GPC5: variants seen among roughly 807,000 people sequenced by gnomAD.
GPC5 encodes the protein glypican-5.
In GPC5, 47 loss-of-function variants were observed where a neutral mutation model predicts 53.9. That is an observed-to-expected ratio of 0.87 (90% confidence interval 0.69 to 1.11). The LOEUF (loss-of-function observed/expected upper bound fraction) is 1.11. Ranked by LOEUF, GPC5 falls within the 50% of genes most tolerant of loss-of-function variation. The pLI is 0.00. For synonymous variants in GPC5, 286 were observed against 263.3 expected (o/e 1.09, Z -0.84); for missense variants, 748 against 713.1 (o/e 1.05, Z -0.56).
chr13:92,216,165 T>C (rs1358162670), intron 7 of GPC5, among the ~76,000 whole-genome samples: 1 of 152,188 alleles, frequency 6.6e-6, no homozygotes, highest in East Asian at 1.9e-4. Flanking sequence ...TATCCTCCAC[T>C]GTCACTGGTG....
At chr13:92,663,848 CACACACACTATA>C (rs1886458903) in intron 7 of GPC5, among the ~76,000 whole-genome samples, 2 of 118,062 alleles carry the variant, frequency 1.7e-5, no homozygotes, top group Non-Finnish European at 3.3e-5. Context: ...TATATATACA[CACACACACTATA>C]TATATATATA....
chr13:92,736,795 T>C lies in GPC5; in HGVS notation c.1562-129487T>C, dbSNP rs186770378. Among the ~76,000 whole-genome samples, 10 of 149,552 alleles carry C rather than the reference T, an allele frequency of 6.7e-5. No individual in the cohort carries two copies. In the East Asian group the frequency reaches 8.2e-4, roughly 12 times the overall value. ...GGTGTTTACTCTATGTTCAGAACTA[T>C]AGCTGTAGCCTATTTTTTTTTTAAA... is the stretch of plus-strand genomic sequence containing the variant. On this transcript the variant is annotated intron_variant, in intron 7 of 7. Transcript: ENST00000377067.
At chr13:92,768,122 C>T (rs1338379391) in intron 7 of GPC5, among the ~76,000 whole-genome samples, 1 of 152,086 alleles carries the variant, frequency 6.6e-6, no homozygotes, top group African/African-American at 2.4e-5. Context: ...TAGTGAAATG[C>T]TACTGTATTT....
chr13:92,588,321 A>G (rs897911893), intron 7 of GPC5, among the ~76,000 whole-genome samples: 9 of 152,180 alleles, frequency 5.9e-5, no homozygotes, highest in Admixed American at 5.2e-4. Flanking sequence ...TATCCAGTCT[A>G]TCATTGATGG....
chr13:92,433,786 G>A lies in GPC5; in HGVS notation c.1561+288797G>A, dbSNP rs1877192409. On this transcript the variant is annotated intron_variant, in intron 7 of 7. Transcript: ENST00000377067. ...TGTGTTGAGAAAGTGGCAGAGTTTG[G>A]AAAAAGTAAGAGAAAGAAATGGTTT... 4.6e-5 allele frequency among the ~76,000 whole-genome samples: 7 copies of A among 152,094 alleles called. No homozygotes were observed. The South Asian group carries it at 1.2e-3, about 27-fold the overall frequency.
At chr13:91,401,958 GC>G (rs59849165) in intron 1 of GPC5, among the ~76,000 whole-genome samples, 79,813 of 151,908 alleles carry the variant, frequency 0.53, 23,259 homozygotes, top group South Asian at 0.66. Flanking sequence ...TAGTCAAGGT[GC>G]CCTTTGCTCT....
intron 2 of GPC5, among the ~76,000 whole-genome samples, chr13:91,609,104 A>G (rs892418349): frequency 3.4e-5 from 5 of 148,878 alleles, no homozygotes; most frequent in African/African-American, 4.9e-5. Flanking sequence ...TCTTTCAGGC[A>G]TATTAAGTGA....
chr13:92,387,093 C>T (rs1874761918), intron 7 of GPC5, among the ~76,000 whole-genome samples: 1 of 152,034 alleles, frequency 6.6e-6, no homozygotes, highest in Non-Finnish European at 1.5e-5. Context: ...TACAGATGGT[C>T]CCCAACTTGA....
intron 2 of GPC5, among the ~76,000 whole-genome samples, chr13:91,593,577 A>G (rs1264229204): frequency 2.0e-5 from 3 of 151,990 alleles, no homozygotes; most frequent in East Asian, 3.9e-4. Flanking sequence ...TGTGTCTTTC[A>G]CCCTCTCTCT....
At chr13:91,470,134 A>G (rs558926207) in intron 2 of GPC5, among the ~76,000 whole-genome samples, 1 of 152,334 alleles carries the variant, frequency 6.6e-6, no homozygotes, top group South Asian at 2.1e-4. Context: ...ATTAAGTTGC[A>G]GCAGCCAGAA....
chr13:91,433,957 G>A (rs1254480416), intron 1 of GPC5, among the ~76,000 whole-genome samples: 10 of 152,170 alleles, frequency 6.6e-5, no homozygotes, highest in Non-Finnish European at 1.5e-4. Context: ...GCCAGTGATG[G>A]TGAGCATTTT....
chr13:91,793,555 C>T (rs1418843855), intron 5 of GPC5, among the ~76,000 whole-genome samples: 1 of 152,140 alleles, frequency 6.6e-6, no homozygotes, highest in African/African-American at 2.4e-5. Context: ...TCTAGAAAAG[C>T]ATAGCACATT....
intron 6 of GPC5, among the ~76,000 whole-genome samples, chr13:92,057,758 TAATAGTACCCTTAC>T (rs2041087859): frequency 6.6e-6 from 1 of 152,210 alleles, no homozygotes; most frequent in South Asian, 2.1e-4. Context: ...ATCTGGAGGC[TAATAGTACCCTTAC>T]AAGATATGAA....
rs144532617 is a variant in GPC5, at chr13:92,624,641, T to C, written c.1562-241641T>C. On this transcript the variant is annotated intron_variant, in intron 7 of 7. Transcript: ENST00000377067. The stretch of plus-strand genomic sequence containing the variant: ...TGCATTGGTTCTCTAAGCCCCACTT[T>C]ACCCAATTCAGTATGAAGATGGTCA... 3.3e-5 allele frequency among the ~76,000 whole-genome samples: 5 copies of C among 152,326 alleles called. No homozygotes were observed. The East Asian group carries it at 9.6e-4, about 29-fold the overall frequency.
chr13:92,410,137 G>A (rs965104578), intron 7 of GPC5, among the ~76,000 whole-genome samples: 7 of 152,026 alleles, frequency 4.6e-5, no homozygotes, highest in Non-Finnish European at 8.8e-5. Flanking sequence ...ATAATGCTCA[G>A]ACGAAAATAA....
chr13:92,758,256 C>A (rs1307302971), intron 7 of GPC5, among the ~76,000 whole-genome samples: 1 of 149,090 alleles, frequency 6.7e-6, no homozygotes, highest in African/African-American at 2.5e-5. Flanking sequence ...ACCACATATT[C>A]TCATTCATAG....
chr13:91,966,879 C>T (rs2040185851), intron 6 of GPC5, among the ~76,000 whole-genome samples: 1 of 152,140 alleles, frequency 6.6e-6, no homozygotes, highest in Admixed American at 6.5e-5. Flanking sequence ...ATATTGCAAT[C>T]TGATTATACA....
chr13:92,249,105 T>C (rs114739583), intron 7 of GPC5, among the ~76,000 whole-genome samples: 103 of 152,234 alleles, frequency 6.8e-4, no homozygotes, highest in African/African-American at 2.1e-3. Context: ...GCATATGATA[T>C]GTAATAATCA....
chr13:92,110,302 C>T (rs2041546889), intron 6 of GPC5, among the ~76,000 whole-genome samples: 1 of 152,104 alleles, frequency 6.6e-6, no homozygotes, highest in South Asian at 2.1e-4. Context: ...GTTCTGCTTC[C>T]CTATGCTGAG....
Sources: allele counts gnomAD v4.1 joint callset (sites outside exome capture counted in the v4.1 genomes callset), GRCh38; gene constraint gnomAD v4.1.1; transcripts MANE v1.5; gene names NCBI Gene and HGNC (gene_info 2026-07-23, HGNC 2026-07-21).